Variants in CAMK2G observed in about 807,000 individuals in gnomAD.
CAMK2G encodes the protein calcium/calmodulin-dependent protein kinase type II subunit gamma.
CAMK2G carries 23 observed loss-of-function variants against 88.7 expected under a neutral mutation model. The observed-to-expected ratio is 0.26, with a 90% CI of 0.19 to 0.37. The LOEUF is 0.37. Ranked by LOEUF, CAMK2G falls within the 10% of genes least tolerant of loss-of-function variation. The pLI is 1.00. For synonymous variants in CAMK2G, 263 were observed against 294.8 expected (o/e 0.89, Z 1.11); for missense variants, 476 against 780.8 (o/e 0.61, Z 4.65).
chr10:73,831,025 C>G (rs2092342890), intron 14 of CAMK2G, among the ~76,000 whole-genome samples: 2 of 152,166 alleles, frequency 1.3e-5, no homozygotes, highest in African/African-American at 4.8e-5. Flanking sequence ...TAACATTGAT[C>G]AAAACCTTGA....
chr10:73,869,407 G>A (rs1310277685), intron 2 of CAMK2G, among the ~76,000 whole-genome samples: 1 of 152,184 alleles, frequency 6.6e-6, no homozygotes, highest in African/African-American at 2.4e-5. Flanking sequence ...TATGCCCCAA[G>A]CACAGGTCTT....
At chr10:73,856,241 G>A (rs1001018042) in intron 3 of CAMK2G, among the ~76,000 whole-genome samples, 3 of 152,186 alleles carry the variant, frequency 2.0e-5, no homozygotes, top group Non-Finnish European at 2.9e-5. Context: ...AGAGGAAACT[G>A]AGGCTCCATA....
rs754182245 is a variant in CAMK2G, at chr10:73,873,059, C to T, written c.90G>A (p.Arg30=). The T allele has an allele frequency of 2.5e-6, 4 of 1,613,058 alleles. No homozygotes were observed. The highest frequency in any genetic ancestry group is 3.4e-6 in the Non-Finnish European group (4 of 1,179,134). Residue 30 remains arginine, a synonymous_variant, in exon 2 of 23, where the codon AGG becomes AGA. Transcript: ENST00000423381. ...CCTGCGTGGAGGTTTTCTTCACACA[C>T]CTGCGGACCACAGAGAAAGCACCCC... is the stretch of plus-strand genomic sequence containing the variant. ...LGKGAFSVVR[R]CVKKTSTQEY...
chr10:73,847,861 G>A, intron 9 of CAMK2G, 127 bp downstream of exon 9: 1 of 610,834 alleles, frequency 1.6e-6, no homozygotes, highest in Non-Finnish European at 2.9e-6. Flanking sequence ...CCATTCCTGG[G>A]TCCTCAAAGT....
chr10:73,865,027 C>G (rs2095534740), intron 2 of CAMK2G, among the ~76,000 whole-genome samples: 1 of 152,350 alleles, frequency 6.6e-6, no homozygotes, highest in Middle Eastern at 3.4e-3. Flanking sequence ...TGCATAAGGT[C>G]TGGCATATAG....
intron 3 of CAMK2G, among the ~76,000 whole-genome samples, chr10:73,855,205 C>A (rs1341565260): frequency 6.6e-6 from 1 of 152,194 alleles, no homozygotes; most frequent in Admixed American, 6.5e-5. Context: ...CACTCACTTG[C>A]GCACCTCTGG....
At chr10:73,815,384 CGAACCCCT>C (rs2085108757) in intron 21 of CAMK2G, 137 bp from the exon 22 acceptor site, 1 of 637,056 alleles carries the variant, frequency 1.6e-6, no homozygotes, top group Non-Finnish European at 2.8e-6. Flanking sequence ...CCCCCACCCC[CGAACCCCT>C]GAACGCCCTC....
intron 19 of CAMK2G, chr10:73,817,886 C>A: frequency 2.9e-6 from 1 of 343,970 alleles, no homozygotes; most frequent in Non-Finnish European, 5.4e-6. Context: ...GCTGTGAGCC[C>A]CTCCCCTGTA....
Position 73,815,002 on chromosome 10 carries a change from C to A in CAMK2G, c.*12+1G>T. The A allele has an allele frequency of 6.3e-7, 1 of 1,599,522 alleles. No individual in the cohort carries two copies. Among genetic ancestry groups the A allele is most frequent in the South Asian group, 1.1e-5 (1 of 90,510 alleles). On this transcript the variant is annotated splice_donor_variant, in intron 22 of 22. Transcript: ENST00000423381. LOFTEE classifies it low-confidence loss of function (3UTR_SPLICE). Reference sequence around the variant, plus strand: ...CCCTCTCCCCCGTCAACCAGGTGCACCTGTGGCTGAGCTCACTGCAGCGGT... The same window carrying A: ...CCCTCTCCCCCGTCAACCAGGTGCAACTGTGGCTGAGCTCACTGCAGCGGT...
At chr10:73,845,904 CT>C (rs775000753) in intron 10 of CAMK2G, among the ~76,000 whole-genome samples, 6,610 of 135,830 alleles carry the variant, frequency 0.049, 116 homozygotes, top group Middle Eastern at 0.094. Flanking sequence ...CAATTCCCTT[CT>C]TTTTTTTTTT....
intron 22 of CAMK2G, 63 bp downstream of exon 22, chr10:73,814,940 T>C: frequency 6.0e-6 from 7 of 1,173,622 alleles, no homozygotes; most frequent in Non-Finnish European, 7.3e-6. Flanking sequence ...AGCCTTCTCT[T>C]CTTCCTCTGA....
chr10:73,841,153 C>G (rs1024058933), intron 12 of CAMK2G, among the ~76,000 whole-genome samples: 1 of 152,264 alleles, frequency 6.6e-6, no homozygotes, highest in African/African-American at 2.4e-5. Context: ...AGCATCCTCA[C>G]AGCCAAGGCC....
chr10:73,860,735 A>G, intron 3 of CAMK2G, 95 bp downstream of exon 3: 1 of 907,742 alleles, frequency 1.1e-6, no homozygotes, highest in Non-Finnish European at 1.8e-6. Context: ...GTGAAGGTCC[A>G]CAGACAGAGG....
intron 18 of CAMK2G, among the ~76,000 whole-genome samples, chr10:73,820,492 A>ATATATTTTTT (rs1554995765): frequency 1.2e-4 from 6 of 51,058 alleles, no homozygotes; most frequent in African/African-American, 1.8e-4. Context: ...ATATATATAT[A>ATATATTTTTT]TTTTTTTTTT....
intron 19 of CAMK2G, among the ~76,000 whole-genome samples, chr10:73,818,055 GC>G (rs2086330149): frequency 6.6e-6 from 1 of 152,182 alleles, no homozygotes; most frequent in Non-Finnish European, 1.5e-5. Context: ...TAGCCTGACA[GC>G]AGAATCCAGC....
rs779861654 is a variant in CAMK2G at position 73,842,898 on chromosome 10, C to T, written c.820-357G>A. 1.2e-4 allele frequency among the ~76,000 whole-genome samples: 18 copies of T among 152,224 alleles called. No homozygotes were observed. Among genetic ancestry groups the T allele is most frequent in the African/African-American group, 2.2e-4 (9 of 41,536 alleles). The stretch of plus-strand genomic sequence containing the variant: ...GCAGCTGTTTACTGAGCACCTACTG[C>T]GTTCCAGATGCTCAGCAGCGAGAGA... On this transcript the variant is annotated intron_variant, in intron 10 of 22. Transcript: ENST00000423381. This position sits in a 1 kb window ranked among gnomAD's most constrained non-coding sequence, Gnocchi z 4.6.
rs143396592 is a variant in CAMK2G, at chr10:73,818,600, C to T, written c.1363+932G>A. ...GCACAGCCAAGCAGCACAGTTGGGA[C>T]AGGGCAGCGCAGCCAAAGGCACATC... On this transcript the variant is annotated intron_variant, in intron 19 of 22. Coordinates refer to ENST00000423381, the MANE Select transcript of CAMK2G (RefSeq NM_001367534.1). 303 of 434,138 alleles carry T rather than the reference C, an allele frequency of 7.0e-4. 1 individual carries two copies. The highest frequency in any genetic ancestry group is 6.7e-3 in the Middle Eastern group (9 of 1,334). The allele number at this position is 434,138 out of a possible 1,614,324, so 26.9% of individuals were successfully genotyped here.
chr10:73,835,121 T>G (rs1292008861), intron 14 of CAMK2G, among the ~76,000 whole-genome samples: 1 of 152,142 alleles, frequency 6.6e-6, no homozygotes, highest in Non-Finnish European at 1.5e-5. Context: ...TCCAGAAGAT[T>G]CCTGTCCTGG....
intron 5 of CAMK2G, among the ~76,000 whole-genome samples, chr10:73,851,262 T>C (rs2094591089): frequency 6.6e-6 from 1 of 152,116 alleles, no homozygotes; most frequent in South Asian, 2.1e-4. Flanking sequence ...AACCAGGTTG[T>C]AGGGACATCA....
Sources: gnomAD v4.1 joint callset for allele counts (sites outside exome capture counted in the v4.1 genomes callset) on GRCh38, gnomAD v4.1.1 for gene constraint, Gnocchi (gnomAD v3.1) non-coding constraint, MANE v1.5 for transcripts, NCBI Gene and HGNC (gene_info 2026-07-23, HGNC 2026-07-21) for gene names.